RAVER2: variants seen among roughly 807,000 people sequenced by gnomAD.
The protein encoded by RAVER2 is ribonucleoprotein, PTB binding 2.
A neutral mutation model predicts 78.1 loss-of-function variants in RAVER2; 46 were observed. The observed-to-expected ratio is 0.59, with a 90% CI of 0.46 to 0.75. RAVER2 has a LOEUF of 0.75. Among genes scored for constraint, RAVER2 ranks in the 30% least tolerant of loss-of-function variants. The pLI is 0.00. For missense variants in RAVER2, 793 were observed against 837.5 expected (o/e 0.95, Z 0.66); for synonymous variants, 311 against 313.3 (o/e 0.99, Z 0.08).
At chr1:64,777,503 T>A in intron 2 of RAVER2, 120 bp from the exon 3 acceptor site, 1 of 773,920 alleles carries the variant, frequency 1.3e-6, no homozygotes, top group Non-Finnish European at 2.0e-6. Flanking sequence ...TATTAACTTA[T>A]AATTTTGTTT....
At chr1:64,791,130 A>G (rs1042583144) in intron 5 of RAVER2, among the ~76,000 whole-genome samples, 2 of 152,200 alleles carry the variant, frequency 1.3e-5, no homozygotes, top group Non-Finnish European at 2.9e-5. Flanking sequence ...CACTTAGGGA[A>G]AAGTCTTGGA....
chr1:64,768,322 T>G (rs1652226605), intron 1 of RAVER2, among the ~76,000 whole-genome samples: 1 of 151,994 alleles, frequency 6.6e-6, no homozygotes, highest in African/African-American at 2.4e-5. Context: ...TTCATAAAGA[T>G]GCATGTGATT....
chr1:64,767,831 G>A (rs1652214527), intron 1 of RAVER2, among the ~76,000 whole-genome samples: 1 of 151,972 alleles, frequency 6.6e-6, no homozygotes, highest in African/African-American at 2.4e-5. Flanking sequence ...CTGTTTCTAA[G>A]TACCATCAGT....
At chr1:64,755,758 C>G (rs1651840706) in intron 1 of RAVER2, among the ~76,000 whole-genome samples, 1 of 73,992 alleles carries the variant, frequency 1.4e-5, no homozygotes, top group Non-Finnish European at 2.3e-5. Flanking sequence ...TTTTTTGTAG[C>G]CAGAACTAGA....
chr1:64,795,051 G>A (rs2100860148), intron 5 of RAVER2, among the ~76,000 whole-genome samples: 1 of 151,808 alleles, frequency 6.6e-6, no homozygotes, highest in South Asian at 2.1e-4. Context: ...AATTATTCTG[G>A]CATCATTTGT....
chr1:64,828,947 T>A (rs1370430631), intron 11 of RAVER2, among the ~76,000 whole-genome samples: 1 of 152,220 alleles, frequency 6.6e-6, no homozygotes, highest in East Asian at 1.9e-4. Flanking sequence ...GAATGTCTTA[T>A]TTTACTCAAC....
intron 11 of RAVER2, 60 bp downstream of exon 11, chr1:64,814,900 T>G: frequency 3.0e-6 from 4 of 1,331,550 alleles, no homozygotes; most frequent in Non-Finnish European, 4.0e-6. Context: ...TATATTGAGT[T>G]CACTGAATAT....
intron 11 of RAVER2, among the ~76,000 whole-genome samples, chr1:64,820,544 C>T (rs554133930): frequency 2.0e-5 from 3 of 152,200 alleles, no homozygotes; most frequent in South Asian, 4.2e-4. Flanking sequence ...GTTATCTTTT[C>T]TGCTGCTCTC....
intron 2 of RAVER2, among the ~76,000 whole-genome samples, chr1:64,773,340 A>G (rs955086901): frequency 2.7e-5 from 4 of 150,112 alleles, no homozygotes; most frequent in Admixed American, 1.3e-4. Context: ...CTCCCCCGCT[A>G]CACCCCCCGA....
intron 10 of RAVER2, 33 bp downstream of exon 10, chr1:64,812,882 T>G (rs1272340326): frequency 2.3e-5 from 33 of 1,428,978 alleles, no homozygotes; most frequent in Non-Finnish European, 3.2e-5. Context: ...TGTTGTGGAG[T>G]TTTACTGAAT....
At chr1:64,799,259 T>C (rs1653190752) in intron 5 of RAVER2, among the ~76,000 whole-genome samples, 1 of 152,204 alleles carries the variant, frequency 6.6e-6, no homozygotes, top group Non-Finnish European at 1.5e-5. Flanking sequence ...CCAGCTTTCC[T>C]TTTTTCTTAT....
chr1:64,827,828 A>G (rs766064841), intron 11 of RAVER2, among the ~76,000 whole-genome samples: 2 of 152,196 alleles, frequency 1.3e-5, no homozygotes, highest in Non-Finnish European at 2.9e-5. Context: ...TGTCTCCTTC[A>G]TTGCCATACT....
At chr1:64,812,814 A>G (rs772402604) in exon 10 of RAVER2, 1 of 1,612,124 alleles carries the variant, frequency 6.2e-7, no homozygotes, top group South Asian at 1.1e-5. Flanking sequence ...CCATACTTGA[A>G]TTTGGCAAGT....
chr1:64,792,975 G>A lies in RAVER2; in HGVS notation c.1105+3461G>A, dbSNP rs538746713. ...CCCAGCACTTTGGGTCACTGAGGTG[G>A]GCAGATCACCTGAGGTCAGGAGTTC... On this transcript the variant is annotated intron_variant, in intron 5 of 11. Transcript: ENST00000294428. 5.3e-5 allele frequency among the ~76,000 whole-genome samples: 8 copies of A among 152,206 alleles called. No homozygotes were observed. In the South Asian group the frequency reaches 1.2e-3, roughly 24 times the overall value.
intron 11 of RAVER2, among the ~76,000 whole-genome samples, chr1:64,820,587 CAG>C (rs1653860925): frequency 6.6e-6 from 1 of 152,134 alleles, no homozygotes; most frequent in Admixed American, 6.5e-5. Flanking sequence ...ATGTAGACAG[CAG>C]AGTCCATTGT....
At chr1:64,768,867 A>G (rs1440230632) in intron 2 of RAVER2, 145 bp downstream of exon 2, 2 of 563,172 alleles carry the variant, frequency 3.6e-6, no homozygotes, top group Admixed American at 3.8e-5. Context: ...CACACTGTCT[A>G]TTTTCTGAAG....
At position 64,815,003 on chromosome 1, in the gene RAVER2, C is replaced by T. The variant is rs146437903; in HGVS notation, c.1929+163C>T. 2.9e-3 allele frequency: 1,579 copies of T among 553,114 alleles called. 28 individuals are homozygous for T. The African/African-American group carries it at 0.029, about 10-fold the overall frequency. The allele number at this position is 553,114 out of a possible 1,614,324, so 34.3% of individuals were successfully genotyped here. On this transcript the variant is annotated intron_variant, in intron 11 of 11. Transcript: ENST00000294428. ...ATCATTTGAAATTTGGGAATGTGTT[C>T]AAGACATTATTTAGTATCATTTTGC... is the stretch of plus-strand genomic sequence containing the variant.
intron 1 of RAVER2, among the ~76,000 whole-genome samples, chr1:64,766,626 A>G (rs1652182802): frequency 6.6e-6 from 1 of 152,166 alleles, no homozygotes; most frequent in Admixed American, 6.5e-5. Flanking sequence ...CTCTTAGGTA[A>G]TTCTCTTAGC....
chr1:64,763,095 G>A (rs1480777978), intron 1 of RAVER2, among the ~76,000 whole-genome samples: 2 of 151,866 alleles, frequency 1.3e-5, no homozygotes, highest in African/African-American at 4.8e-5. Context: ...AGATCATGAG[G>A]TCAGGCGATC....
Sources: allele counts gnomAD v4.1 joint callset (sites outside exome capture counted in the v4.1 genomes callset), GRCh38; gene constraint gnomAD v4.1.1; transcripts MANE v1.5; gene names NCBI Gene and HGNC (gene_info 2026-07-23, HGNC 2026-07-21).